Variants in MAN1A2 observed in about 807,000 individuals in gnomAD.
MAN1A2 encodes the protein mannosidase alpha class 1A member 2.
In MAN1A2, 26 loss-of-function variants were observed where a neutral mutation model predicts 75.7. That is an observed-to-expected ratio of 0.34 (90% confidence interval 0.25 to 0.48). The LOEUF is 0.48. Among genes scored for constraint, MAN1A2 ranks in the 20% least tolerant of loss-of-function variants. The pLI is 0.99. For missense variants in MAN1A2, 562 were observed against 775.5 expected (o/e 0.72, Z 3.27); for synonymous variants, 247 against 264.6 (o/e 0.93, Z 0.65).
At chr1:117,505,440 A>G (rs1651326730) in intron 12 of MAN1A2, among the ~76,000 whole-genome samples, 1 of 151,250 alleles carries the variant, frequency 6.6e-6, no homozygotes, top group Non-Finnish European at 1.5e-5. Flanking sequence ...TTCTCAACAC[A>G]ACAGTATGCT....
At chr1:117,488,636 A>G (rs1263013338) in intron 8 of MAN1A2, among the ~76,000 whole-genome samples, 7 of 152,086 alleles carry the variant, frequency 4.6e-5, no homozygotes, top group East Asian at 3.9e-4. Flanking sequence ...GAAATGTACT[A>G]TAGTTTTATC....
At chr1:117,384,115 TTC>T (rs540724301) in intron 1 of MAN1A2, among the ~76,000 whole-genome samples, 1 of 152,234 alleles carries the variant, frequency 6.6e-6, no homozygotes, top group African/African-American at 2.4e-5. Context: ...TGTTTTTCTA[TTC>T]TCTGTTTTAT....
chr1:117,466,509 TAC>T (rs1158580647), intron 8 of MAN1A2, 82 bp downstream of exon 8: 1 of 862,756 alleles, frequency 1.2e-6, no homozygotes, highest in African/African-American at 1.8e-5. Flanking sequence ...AAAAGTACAC[TAC>T]GTGGAGTTAG....
intron 8 of MAN1A2, among the ~76,000 whole-genome samples, chr1:117,488,104 C>G (rs1376372327): frequency 3.3e-5 from 5 of 152,040 alleles, no homozygotes; most frequent in African/African-American, 1.2e-4. Context: ...CTGTAATACC[C>G]AGCCACTTAA....
At chr1:117,433,623 C>A (rs1648749177) in intron 5 of MAN1A2, among the ~76,000 whole-genome samples, 1 of 152,136 alleles carries the variant, frequency 6.6e-6, no homozygotes, top group Admixed American at 6.5e-5. Flanking sequence ...TTCTGAGATA[C>A]ACAGTCATAT....
intron 8 of MAN1A2, among the ~76,000 whole-genome samples, chr1:117,478,555 G>A (rs758665286): frequency 6.6e-5 from 10 of 151,830 alleles, no homozygotes; most frequent in African/African-American, 1.7e-4. Context: ...TTATAGATTC[G>A]GGTTTTGTAT....
intron 7 of MAN1A2, among the ~76,000 whole-genome samples, chr1:117,464,687 C>T (rs61805798): frequency 0.26 from 39,214 of 151,898 alleles, 5,712 homozygotes; most frequent in East Asian, 0.47. Context: ...AAAACAGAAT[C>T]GAGTAAGGTT....
intron 1 of MAN1A2, among the ~76,000 whole-genome samples, chr1:117,393,983 T>A (rs1330208765): frequency 6.6e-6 from 1 of 152,210 alleles, no homozygotes; most frequent in Non-Finnish European, 1.5e-5. Context: ...ACCTGCTGTC[T>A]GCTCGTAGTT....
intron 8 of MAN1A2, among the ~76,000 whole-genome samples, chr1:117,472,278 T>C (rs1650184662): frequency 6.6e-6 from 1 of 152,010 alleles, no homozygotes. Flanking sequence ...TATTCAAATA[T>C]AGTAATCTCT....
chr1:117,522,276 A>G (rs1651890852), intron 12 of MAN1A2, among the ~76,000 whole-genome samples: 1 of 151,938 alleles, frequency 6.6e-6, no homozygotes, highest in East Asian at 1.9e-4. Flanking sequence ...CTCTAACAAC[A>G]AATTACATAG....
At chr1:117,435,674 T>C (rs1648824130) in intron 5 of MAN1A2, among the ~76,000 whole-genome samples, 3 of 152,268 alleles carry the variant, frequency 2.0e-5, no homozygotes, top group African/African-American at 7.2e-5. Flanking sequence ...TTAATGTATT[T>C]GGTTCAAGAT....
chr1:117,497,026 C>CT, intron 10 of MAN1A2, 44 bp downstream of exon 10: 6 of 1,489,538 alleles, frequency 4.0e-6, no homozygotes, highest in Non-Finnish European at 4.6e-6. Context: ...AAAATAATCT[C>CT]TAAGTTAAAA....
intron 1 of MAN1A2, among the ~76,000 whole-genome samples, chr1:117,381,501 C>T (rs1333489527): frequency 6.6e-6 from 1 of 152,074 alleles, no homozygotes; most frequent in African/African-American, 2.4e-5. Context: ...CATGTCCCTA[C>T]AAAGGACATG....
Position 117,502,969 on chromosome 1 carries a change from A to G in MAN1A2, c.1792A>G (p.Lys598Glu). 1 of 1,529,302 alleles carries G rather than the reference A, an allele frequency of 6.5e-7. No individual in the cohort carries two copies. Among genetic ancestry groups the G allele is most frequent in the Non-Finnish European group, 9.0e-7 (1 of 1,112,798 alleles). 94.7% of individuals were successfully genotyped at this position (1,529,302 alleles called of 1,614,324 possible). A position where few individuals can be genotyped will look rare whatever the true frequency, so the allele number is the denominator to read the frequency against. The change falls in exon 12 of 13, where the codon AAA (lysine) becomes GAA (glutamate). Residue 598 changes from lysine to glutamate, a missense_variant and splice_region_variant. Lys to Glu is a moderately conservative substitution (Grantham distance 56). This residue lies in a region of MAN1A2 where 434 missense variants were observed against 645.7 expected (regional missense o/e 0.67). Transcript: ENST00000356554. The part of the protein sequence containing the change: ...QQSFFLAETL[K>E]YLYLLFSGDD... ...GAGCTTTTTTCTTGCTGAAACATTA[A>G]AGTAAGTATATAGCTTTAAAAAATA...
Position 117,481,332 on chromosome 1 carries a change from G to T in MAN1A2, c.1169-11815G>T, listed in dbSNP as rs546408291. ...GGTAAAGCCTATTTAAAAAAAAAAA[G>T]GAATAGTCTATTTTTCTTGTTTGCC... On this transcript the variant is annotated intron_variant, in intron 8 of 12. Coordinates refer to ENST00000356554, the MANE Select transcript of MAN1A2 (RefSeq NM_006699.5). 2.1e-4 allele frequency among the ~76,000 whole-genome samples: 32 copies of T among 151,146 alleles called. 1 individual carries two copies. In the South Asian group the frequency reaches 6.5e-3, roughly 31 times the overall value.
Position 117,522,964 on chromosome 1 carries a change from T to C in MAN1A2, c.*7T>C. ...TAATCCTGCTGTTCGATGAAAGCAG[T>C]TCCAGAAGGACCATTCTCACCTGTG... On this transcript the variant is annotated 3_prime_UTR_variant, in exon 13 of 13. Transcript: ENST00000356554. 1 of 1,610,318 alleles carries C rather than the reference T, an allele frequency of 6.2e-7. No individual in the cohort carries two copies. Among genetic ancestry groups the C allele is most frequent in the Non-Finnish European group, 8.5e-7 (1 of 1,178,216 alleles).
chr1:117,413,082 G>A (rs905397978), intron 3 of MAN1A2, among the ~76,000 whole-genome samples: 5 of 151,886 alleles, frequency 3.3e-5, no homozygotes, highest in Non-Finnish European at 5.9e-5. Flanking sequence ...ATTTATGCAA[G>A]AGATAGAGAT....
intron 1 of MAN1A2, among the ~76,000 whole-genome samples, chr1:117,383,496 C>T (rs1289960): frequency 0.8 from 121,088 of 152,048 alleles, 48,840 homozygotes; most frequent in African/African-American, 0.92. Flanking sequence ...ATCATTCCTC[C>T]TCTGTTGTTT....
Position 117,414,912 on chromosome 1 carries a change from T to C in MAN1A2, c.774+81T>C, listed in dbSNP as rs1647940509. 5.9e-6 allele frequency: 5 copies of C among 844,798 alleles called. No homozygotes were observed. The South Asian group carries it at 6.3e-5, about 11-fold the overall frequency. 52.3% of individuals were successfully genotyped at this position (844,798 alleles called of 1,614,324 possible). A position where few individuals can be genotyped will look rare whatever the true frequency, so the allele number is the denominator to read the frequency against. On this transcript the variant is annotated intron_variant, in intron 4 of 12. Transcript: ENST00000356554. ...CTAACTGCTATGGTCTGAACATTTGTGCCTTCCTAAAATTCATATGTTGAA... is the reference window on the plus strand; with the variant it reads ...CTAACTGCTATGGTCTGAACATTTGCGCCTTCCTAAAATTCATATGTTGAA...
Sources: gnomAD v4.1 joint callset for allele counts (sites outside exome capture counted in the v4.1 genomes callset) on GRCh38, gnomAD v4.1.1 for gene constraint, gnomAD v4.1.1 regional missense constraint, MANE v1.5 for transcripts, NCBI Gene and HGNC (gene_info 2026-07-23, HGNC 2026-07-21) for gene names.